Variants in FRAS1 observed in about 807,000 individuals in gnomAD.
FRAS1 encodes the protein extracellular matrix organizing protein FRAS1.
Under a neutral mutation model 435.2 loss-of-function variants are expected in FRAS1, and 290 were observed. The ratio of observed to expected loss-of-function variants is 0.67; its 90% CI spans 0.61 to 0.73. FRAS1 has a LOEUF of 0.73. Among genes scored for constraint, FRAS1 ranks in the 30% least tolerant of loss-of-function variants. The pLI is 0.00. For synonymous variants in FRAS1, 1,800 were observed against 1,851.0 expected, an observed-to-expected ratio of 0.97 and a Z score of 0.71; for missense variants, 4,860 against 5,001.5, an observed-to-expected ratio of 0.97 and a Z score of 0.85.
At chr4:78,423,968 A>G (rs57929143) in intron 34 of FRAS1, among the ~76,000 whole-genome samples, 2,955 of 152,304 alleles carry the variant, frequency 0.019, 96 homozygotes, top group African/African-American at 0.067. Context: ...ATGCTGCAAG[A>G]TAAATCTCTC....
chr4:78,389,964 G>A (rs1027884977), intron 29 of FRAS1, among the ~76,000 whole-genome samples: 1 of 152,142 alleles, frequency 6.6e-6, no homozygotes, highest in South Asian at 2.1e-4. Context: ...GTGAATTTAA[G>A]TTGTGCTCTG....
chr4:78,079,230 A>C (rs1415354928), intron 2 of FRAS1, among the ~76,000 whole-genome samples: 1 of 151,794 alleles, frequency 6.6e-6, no homozygotes, highest in African/African-American at 2.4e-5. Context: ...AGGGGGAAAA[A>C]CCCCATTTTT....
chr4:78,308,417 G>A (rs1287057437), intron 15 of FRAS1, among the ~76,000 whole-genome samples: 1 of 152,168 alleles, frequency 6.6e-6, no homozygotes, highest in Non-Finnish European at 1.5e-5. Flanking sequence ...TGCTAGGGTT[G>A]GGGTGCTCAT....
intron 50 of FRAS1, among the ~76,000 whole-genome samples, 161 bp from the exon 51 acceptor site, chr4:78,469,817 G>A (rs1046301569): frequency 6.6e-6 from 1 of 152,000 alleles, no homozygotes; most frequent in African/African-American, 2.4e-5. Flanking sequence ...TCTCCCTTAG[G>A]CCTTGTGCCA....
intron 61 of FRAS1, among the ~76,000 whole-genome samples, chr4:78,502,339 TC>T (rs760889633): frequency 6.6e-6 from 1 of 152,352 alleles, no homozygotes; most frequent in East Asian, 1.9e-4. Context: ...TATTGATTCT[TC>T]CTCTCCGTAA....
rs187605824 is a variant in FRAS1 at position 78,310,222 on chromosome 4, T to C, written c.1678+2013T>C. 2.4e-3 allele frequency among the ~76,000 whole-genome samples: 360 copies of C among 152,352 alleles called. 2 individuals carry two copies. The highest frequency in any genetic ancestry group is 7.4e-3 in the Admixed American group (114 of 15,310). ...CTGCTCAGTTAAGCCAGATGTATTC[T>C]CTAAAGGTCGACAGATGTCAAATTT... On this transcript the variant is annotated intron_variant, in intron 15 of 73. Transcript: ENST00000512123.
chr4:78,259,059 G>A (rs1425591734), intron 6 of FRAS1, among the ~76,000 whole-genome samples: 6 of 120,902 alleles, frequency 5.0e-5, no homozygotes, highest in Admixed American at 8.6e-5. Context: ...TGGCTGCATA[G>A]TATTCCATGG....
At chr4:78,317,557 T>G in intron 17 of FRAS1, 49 bp downstream of exon 17, 1 of 1,533,684 alleles carries the variant, frequency 6.5e-7, no homozygotes, top group Non-Finnish European at 8.8e-7. Flanking sequence ...CACAAGAACA[T>G]AGATTTACTT....
At chr4:78,454,706 T>G (rs1719133505) in intron 47 of FRAS1, among the ~76,000 whole-genome samples, 1 of 152,232 alleles carries the variant, frequency 6.6e-6, no homozygotes, top group Non-Finnish European at 1.5e-5. Context: ...AGCTCTGAGC[T>G]TCCTCAAGGC....
intron 38 of FRAS1, 93 bp from the exon 39 acceptor site, chr4:78,438,477 G>A (rs1734515363): frequency 8.3e-7 from 1 of 1,207,564 alleles, no homozygotes; most frequent in South Asian, 1.4e-5. Context: ...TTTCCAATTA[G>A]CAGAGAGAGA....
intron 2 of FRAS1, among the ~76,000 whole-genome samples, chr4:78,120,511 G>A (rs1330602882): frequency 6.6e-6 from 1 of 152,180 alleles, no homozygotes; most frequent in Non-Finnish European, 1.5e-5. Context: ...GAAGTTGTAA[G>A]GAGGAGAAGC....
At position 78,411,477 on chromosome 4, in the gene FRAS1, C is replaced by A. The variant is rs1281006876; in HGVS notation, c.4309-1492C>A. Among the ~76,000 whole-genome samples the A allele has an allele frequency of 2.0e-5, 3 of 152,170 alleles. No individual in the cohort carries two copies. In the East Asian group the frequency reaches 5.8e-4, roughly 29 times the overall value. On this transcript the variant is annotated intron_variant, in intron 31 of 73. Coordinates refer to ENST00000512123, the MANE Select transcript of FRAS1 (RefSeq NM_025074.7). ...GTCATGAGCCATCAGTGGCTCCCATCTGTTACTTTGCATCTAAGATTTGGG... is the reference window on the plus strand; with the variant it reads ...GTCATGAGCCATCAGTGGCTCCCATATGTTACTTTGCATCTAAGATTTGGG...
intron 14 of FRAS1, among the ~76,000 whole-genome samples, chr4:78,307,169 G>C (rs1728777465): frequency 6.6e-6 from 1 of 152,204 alleles, no homozygotes; most frequent in African/African-American, 2.4e-5. Context: ...CTCCTAGTTA[G>C]GCTGCTCGGG....
chr4:78,152,754 C>T (rs935598732), intron 2 of FRAS1, among the ~76,000 whole-genome samples: 3 of 151,832 alleles, frequency 2.0e-5, no homozygotes, highest in African/African-American at 4.8e-5. Context: ...GTTGAGGTCT[C>T]ACTGTGTGCT....
chr4:78,258,319 T>C (rs1262915631), intron 6 of FRAS1, among the ~76,000 whole-genome samples: 12 of 143,516 alleles, frequency 8.4e-5, no homozygotes, highest in African/African-American at 3.1e-4. Flanking sequence ...CCAGCCTGGG[T>C]GGCAGAGCAA....
intron 30 of FRAS1, 116 bp downstream of exon 30, chr4:78,401,003 C>T (rs1444238641): frequency 7.1e-6 from 6 of 839,400 alleles, no homozygotes; most frequent in Non-Finnish European, 1.1e-5. Context: ...TTTCTAATAC[C>T]TTACAAATCC....
rs373994193 is a variant in FRAS1, at chr4:78,266,852, G to A, written c.706G>A (p.Glu236Lys). ...CATGCAGCATGGTGAGCAGTGGAGC[G>A]AAAATGCCTGCACCACGTGTATATG... is the stretch of plus-strand genomic sequence containing the variant. The part of the protein sequence containing the change: ...QVYEHGEQWS[E>K]NACTTCICDR... Residue 236 changes from glutamate (E) to lysine (K), a missense_variant, in exon 8 of 74, where the codon GAA becomes AAA. By Grantham distance (56) the Glu-to-Lys change is moderately conservative. Coordinates refer to ENST00000512123, the MANE Select transcript of FRAS1 (RefSeq NM_025074.7). 177 of 1,603,590 alleles carry A rather than the reference G, an allele frequency of 1.1e-4. No homozygotes were observed. In the Middle Eastern group the frequency reaches 1.2e-3, roughly 10 times the overall value.
chr4:78,503,351 T>G (rs112371282), intron 61 of FRAS1, among the ~76,000 whole-genome samples: 46,879 of 152,072 alleles, frequency 0.31, 7,705 homozygotes, highest in South Asian at 0.52. Flanking sequence ...CCTGGACTTT[T>G]TTTGGTTGTT....
Position 78,507,510 on chromosome 4 carries a change from G to A in FRAS1, c.9406G>A (p.Asp3136Asn). Residue 3136 changes from aspartate (D) to asparagine (N), a missense_variant, in exon 62 of 74, where the codon GAC (aspartate) becomes AAC (asparagine). Asp to Asn is a conservative substitution (Grantham distance 23, BLOSUM62 1). Coordinates refer to ENST00000512123, the MANE Select transcript of FRAS1 (RefSeq NM_025074.7). Reference protein sequence around the residue: ...ESFSLVLGPDDPVEAVLGDVT... With the variant: ...ESFSLVLGPDNPVEAVLGDVT... Reference sequence around the variant, plus strand: ...TTTCTCACTAGTCCTTGGCCCAGATGACCCAGTGGAAGCAGTTCTTGGGGA... The same window carrying A: ...TTTCTCACTAGTCCTTGGCCCAGATAACCCAGTGGAAGCAGTTCTTGGGGA... 6.2e-7 allele frequency: 1 copy of A among 1,612,484 alleles called. No individual in the cohort carries two copies. Among genetic ancestry groups the A allele is most frequent in the Non-Finnish European group, 8.5e-7 (1 of 1,179,276 alleles).
Sources: gnomAD v4.1 joint callset for allele counts (sites outside exome capture counted in the v4.1 genomes callset) on GRCh38, gnomAD v4.1.1 for gene constraint, MANE v1.5 for transcripts, NCBI Gene and HGNC (gene_info 2026-07-23, HGNC 2026-07-21) for gene names.